The following CSMD1 variants were observed in gnomAD, a reference collection of about 807,000 sequenced individuals.
CSMD1 encodes CUB and sushi domain-containing protein 1.
A neutral mutation model predicts 417.5 loss-of-function variants in CSMD1; 213 were observed. The observed-to-expected ratio is 0.51, with a 90% CI of 0.46 to 0.57. The LOEUF (loss-of-function observed/expected upper bound fraction) is 0.57. Ranked by LOEUF, CSMD1 falls within the 20% of genes least tolerant of loss-of-function variation. The pLI is 0.00. For synonymous variants in CSMD1, 2,862 were observed against 1,736.8 expected, an observed-to-expected ratio of 1.65 and a Z score of -16.11; for missense variants, 6,923 against 4,529.7, an observed-to-expected ratio of 1.53 and a Z score of -15.17.
At chr8:3,120,896 A>G (rs993836680) in intron 41 of CSMD1, among the ~76,000 whole-genome samples, 2 of 152,186 alleles carry the variant, frequency 1.3e-5, no homozygotes, top group African/African-American at 2.4e-5. Flanking sequence ...CAGTAACTCA[A>G]TGATGGCAAC....
intron 41 of CSMD1, among the ~76,000 whole-genome samples, chr8:3,127,229 CA>C (rs894491904): frequency 3.3e-5 from 5 of 152,096 alleles, no homozygotes; most frequent in African/African-American, 1.2e-4. Flanking sequence ...CACTTTCATG[CA>C]AAAGAGGCAT....
chr8:3,286,239 G>T (rs1324601430), intron 25 of CSMD1, among the ~76,000 whole-genome samples: 3 of 152,116 alleles, frequency 2.0e-5, no homozygotes, highest in Non-Finnish European at 4.4e-5. Context: ...TTGGACATTT[G>T]GGTTGGTTCC....
chr8:2,987,256 A>G (rs766146192), intron 54 of CSMD1, among the ~76,000 whole-genome samples: 4 of 151,936 alleles, frequency 2.6e-5, no homozygotes, highest in Non-Finnish European at 5.9e-5. Context: ...TATAAGGATA[A>G]TTCTTGACAT....
intron 2 of CSMD1, among the ~76,000 whole-genome samples, chr8:4,592,453 C>A (rs1250268879): frequency 6.6e-6 from 1 of 151,952 alleles, no homozygotes; most frequent in Non-Finnish European, 1.5e-5. Context: ...GTGGCATGAC[C>A]TTGACTCACT....
At chr8:3,023,677 C>A (rs1240620843) in intron 51 of CSMD1, among the ~76,000 whole-genome samples, 2 of 151,992 alleles carry the variant, frequency 1.3e-5, no homozygotes, top group East Asian at 3.9e-4. Context: ...CAGCGGATTC[C>A]ACAGTTGTCA....
intron 6 of CSMD1, among the ~76,000 whole-genome samples, chr8:3,739,863 G>T (rs1796704049): frequency 6.6e-6 from 1 of 152,078 alleles, no homozygotes; most frequent in African/African-American, 2.4e-5. Flanking sequence ...AAAAAAGCAG[G>T]GAAGTTGAAG....
At chr8:3,401,131 A>G (rs1350952390) in intron 15 of CSMD1, among the ~76,000 whole-genome samples, 1 of 151,922 alleles carries the variant, frequency 6.6e-6, no homozygotes, top group Non-Finnish European at 1.5e-5. Context: ...TAAATATGTT[A>G]AATATATAAC....
At chr8:4,306,112 A>C (rs907429734) in intron 3 of CSMD1, among the ~76,000 whole-genome samples, 1 of 152,174 alleles carries the variant, frequency 6.6e-6, no homozygotes, top group African/African-American at 2.4e-5. Context: ...TTGCTTTTTA[A>C]ATAGTTGGTA....
intron 64 of CSMD1, among the ~76,000 whole-genome samples, chr8:2,954,633 G>A (rs552859679): frequency 6.6e-6 from 1 of 152,230 alleles, no homozygotes; most frequent in African/African-American, 2.4e-5. Flanking sequence ...TGATGTTACA[G>A]TCCCTCTTCA....
At chr8:3,888,008 C>T (rs1457324870) in intron 5 of CSMD1, among the ~76,000 whole-genome samples, 2 of 152,048 alleles carry the variant, frequency 1.3e-5, no homozygotes, top group African/African-American at 2.4e-5. Context: ...TAAAGGAGTC[C>T]AACTTCTGGC....
At chr8:4,891,120 C>T (rs1353486854) in intron 1 of CSMD1, among the ~76,000 whole-genome samples, 4 of 152,120 alleles carry the variant, frequency 2.6e-5, no homozygotes. Context: ...TTCCTGAGAG[C>T]AGAGGCTGAT....
chr8:3,387,387 A>T, intron 18 of CSMD1, 107 bp downstream of exon 18: 1 of 858,332 alleles, frequency 1.2e-6, no homozygotes, highest in Non-Finnish European at 1.8e-6. Flanking sequence ...AACTCACGCC[A>T]GTCGTAAGGT....
intron 5 of CSMD1, among the ~76,000 whole-genome samples, chr8:3,908,265 G>C (rs1584946831): frequency 1.4e-5 from 2 of 145,036 alleles, no homozygotes; most frequent in African/African-American, 5.0e-5. Flanking sequence ...AGCTGAGTCA[G>C]GTTCATCAAG....
chr8:3,701,974 CTCT>C (rs1312551968), intron 7 of CSMD1, among the ~76,000 whole-genome samples: 1 of 151,880 alleles, frequency 6.6e-6, no homozygotes, highest in Non-Finnish European at 1.5e-5. Context: ...TGCTTCAGGT[CTCT>C]TTTTTTTTTC....
chr8:3,011,987 T>G (rs1351811459), intron 52 of CSMD1, among the ~76,000 whole-genome samples: 1 of 152,176 alleles, frequency 6.6e-6, no homozygotes, highest in Non-Finnish European at 1.5e-5. Context: ...TCTCAGTGCT[T>G]AATTCTGTGG....
chr8:4,321,310 T>C (rs939168443), intron 3 of CSMD1, among the ~76,000 whole-genome samples: 3 of 152,112 alleles, frequency 2.0e-5, no homozygotes, highest in African/African-American at 7.2e-5. Context: ...CTCTTGCCTA[T>C]TGTTTCCTCC....
At chr8:3,970,939 T>C (rs1813041344) in intron 5 of CSMD1, among the ~76,000 whole-genome samples, 1 of 152,036 alleles carries the variant, frequency 6.6e-6, no homozygotes, top group Non-Finnish European at 1.5e-5. Flanking sequence ...TTAGTGGAGA[T>C]GAGGTTTCAC....
chr8:4,845,095 CTG>C (rs1277246596), intron 1 of CSMD1, among the ~76,000 whole-genome samples: 6 of 152,088 alleles, frequency 3.9e-5, no homozygotes, highest in African/African-American at 1.2e-4. Flanking sequence ...TATTACATAT[CTG>C]TGTTTTTATT....
At chr8:4,836,826 G>GA (rs1312050488) in intron 1 of CSMD1, among the ~76,000 whole-genome samples, 9 of 147,230 alleles carry the variant, frequency 6.1e-5, no homozygotes, top group East Asian at 2.0e-4. Context: ...TTTCAGCCAA[G>GA]AAAAAAAAAA....
Sources: gnomAD v4.1 joint callset for allele counts (sites outside exome capture counted in the v4.1 genomes callset) on GRCh38, gnomAD v4.1.1 for gene constraint, MANE v1.5 for transcripts, NCBI Gene and HGNC (gene_info 2026-07-23, HGNC 2026-07-21) for gene names.